GRID1: variants seen among roughly 807,000 people sequenced by gnomAD.
The protein encoded by GRID1 is glutamate ionotropic receptor delta type subunit 1.
Under a neutral mutation model 98.0 loss-of-function variants are expected in GRID1, and 28 were observed. That is an observed-to-expected ratio of 0.29 (90% CI 0.21 to 0.39). The LOEUF (loss-of-function observed/expected upper bound fraction) is 0.39, where lower values mean the gene tolerates loss of function less well. Among genes scored for constraint, GRID1 ranks in the 10% least tolerant of loss-of-function variants. The pLI is 1.00. For missense variants in GRID1, 1,111 were observed against 1,340.5 expected (o/e 0.83, Z 2.67); for synonymous variants, 553 against 538.5 (o/e 1.03, Z -0.37).
At chr10:85,612,991 G>A (rs1842750526) in intron 15 of GRID1, 2 of 165,928 alleles carry the variant, frequency 1.2e-5, no homozygotes, top group South Asian at 3.5e-4. Flanking sequence ...CGCTGGGAGA[G>A]CAGCGCCCTG....
intron 2 of GRID1, among the ~76,000 whole-genome samples, chr10:86,289,549 G>A (rs1197835454): frequency 6.6e-6 from 1 of 151,662 alleles, no homozygotes; most frequent in Non-Finnish European, 1.5e-5. Flanking sequence ...TCTCCTAACT[G>A]CAGTTGGCTT....
At chr10:86,070,442 T>G (rs1444452658) in intron 4 of GRID1, among the ~76,000 whole-genome samples, 1 of 152,136 alleles carries the variant, frequency 6.6e-6, no homozygotes, top group Non-Finnish European at 1.5e-5. Flanking sequence ...TTAAGATTAT[T>G]ATCTTAAATG....
At chr10:86,098,028 G>A (rs1240355874) in intron 4 of GRID1, among the ~76,000 whole-genome samples, 2 of 152,188 alleles carry the variant, frequency 1.3e-5, no homozygotes, top group Non-Finnish European at 2.9e-5. Context: ...CCACAAAGTG[G>A]ATTTTAGATA....
At chr10:85,647,423 A>C in intron 12 of GRID1, 26 bp from the exon 13 acceptor site, 1 of 1,576,500 alleles carries the variant, frequency 6.3e-7, no homozygotes, top group South Asian at 1.1e-5. Context: ...GCAGCGAGGC[A>C]TGAGTACATG....
At chr10:85,735,690 G>C (rs1247257124) in intron 8 of GRID1, among the ~76,000 whole-genome samples, 1 of 152,160 alleles carries the variant, frequency 6.6e-6, no homozygotes, top group Middle Eastern at 3.4e-3. Context: ...TGGGGAGGAA[G>C]AATAGAAACG....
intron 4 of GRID1, among the ~76,000 whole-genome samples, chr10:85,969,903 G>A (rs1842385010): frequency 6.6e-6 from 1 of 151,574 alleles, no homozygotes; most frequent in South Asian, 2.1e-4. Flanking sequence ...AATAAGCAAA[G>A]AGTTGATTTT....
chr10:86,036,112 A>G (rs995787490), intron 4 of GRID1, among the ~76,000 whole-genome samples: 3 of 152,158 alleles, frequency 2.0e-5, no homozygotes, highest in Non-Finnish European at 4.4e-5. Flanking sequence ...GAAGTCACAG[A>G]ACTCATGCAA....
intron 8 of GRID1, among the ~76,000 whole-genome samples, chr10:85,849,718 TG>T (rs1430260851): frequency 6.6e-6 from 1 of 152,178 alleles, no homozygotes; most frequent in African/African-American, 2.4e-5. Flanking sequence ...TCATGCTTGC[TG>T]GTGCTATGCA....
At chr10:86,148,828 G>C (rs1845122092) in intron 3 of GRID1, among the ~76,000 whole-genome samples, 1 of 152,170 alleles carries the variant, frequency 6.6e-6, no homozygotes, top group South Asian at 2.1e-4. Context: ...CCACTGCCCT[G>C]CTCCCCCAGG....
At chr10:85,777,602 G>A (rs969984770) in intron 8 of GRID1, among the ~76,000 whole-genome samples, 5 of 152,282 alleles carry the variant, frequency 3.3e-5, no homozygotes, top group Non-Finnish European at 4.4e-5. Context: ...TGTCTTCATA[G>A]AAATTACAAT....
At chr10:85,790,114 G>A (rs766220864) in intron 8 of GRID1, among the ~76,000 whole-genome samples, 5 of 152,160 alleles carry the variant, frequency 3.3e-5, no homozygotes, top group Non-Finnish European at 5.9e-5. Flanking sequence ...CATGTTCCTG[G>A]GTCCACCCAC....
intron 4 of GRID1, among the ~76,000 whole-genome samples, chr10:85,983,343 T>C (rs1842568914): frequency 6.6e-6 from 1 of 152,210 alleles, no homozygotes; most frequent in Non-Finnish European, 1.5e-5. Context: ...GTGAGGCACA[T>C]GTGCAGATTT....
intron 15 of GRID1, among the ~76,000 whole-genome samples, chr10:85,604,053 T>C (rs1259397987): frequency 2.0e-5 from 3 of 152,146 alleles, no homozygotes; most frequent in South Asian, 2.1e-4. Context: ...AACTGAATGA[T>C]AGGCATGAGC....
At chr10:85,678,239 G>C (rs890221254) in intron 12 of GRID1, among the ~76,000 whole-genome samples, 1 of 152,128 alleles carries the variant, frequency 6.6e-6, no homozygotes, top group Non-Finnish European at 1.5e-5. Flanking sequence ...CTTCCTGCTC[G>C]ACAAGGTGCC....
intron 4 of GRID1, among the ~76,000 whole-genome samples, chr10:85,968,389 G>A (rs1205360738): frequency 6.7e-6 from 1 of 149,540 alleles, no homozygotes; most frequent in African/African-American, 2.5e-5. Flanking sequence ...AGGCGGAGCT[G>A]GCTGTGAGCC....
At chr10:85,723,377 T>G (rs1286848224) in intron 11 of GRID1, among the ~76,000 whole-genome samples, 2 of 152,174 alleles carry the variant, frequency 1.3e-5, no homozygotes, top group Non-Finnish European at 2.9e-5. Flanking sequence ...AGGACTGGGC[T>G]TCTAGTGGTG....
intron 4 of GRID1, among the ~76,000 whole-genome samples, chr10:85,958,342 T>C (rs1326026761): frequency 6.6e-6 from 1 of 152,194 alleles, no homozygotes; most frequent in Admixed American, 6.5e-5. Context: ...CACTAAACAA[T>C]ACAATACCCA....
At chr10:86,130,624 C>G (rs184995894) in intron 4 of GRID1, among the ~76,000 whole-genome samples, 2 of 152,106 alleles carry the variant, frequency 1.3e-5, no homozygotes, top group Non-Finnish European at 2.9e-5. Flanking sequence ...TATAGTCTTC[C>G]CACTCCAACC....
chr10:86,050,290 G>T (rs1843483373), intron 4 of GRID1, among the ~76,000 whole-genome samples: 1 of 151,652 alleles, frequency 6.6e-6, no homozygotes, highest in Admixed American at 6.6e-5. Flanking sequence ...ATGCTCAAAA[G>T]TATTTGTAAG....
Sources: allele counts gnomAD v4.1 joint callset (sites outside exome capture counted in the v4.1 genomes callset), GRCh38; gene constraint gnomAD v4.1.1; transcripts MANE v1.5; gene names NCBI Gene and HGNC (gene_info 2026-07-23, HGNC 2026-07-21).